GIT2: variants seen among roughly 807,000 people sequenced by gnomAD.
GIT2 encodes ARF GTPase-activating protein GIT2.
A neutral mutation model predicts 100.3 loss-of-function variants in GIT2; 32 were observed. That is an observed-to-expected ratio of 0.32 (90% CI 0.24 to 0.43). The LOEUF is 0.43. GIT2 is among the 20% of genes least tolerant of loss of function. GIT2 has a pLI of 1.00. For synonymous variants in GIT2, 353 were observed against 364.1 expected (o/e 0.97, Z 0.35); for missense variants, 737 against 975.1 (o/e 0.76, Z 3.25).
chr12:109,998,898 A>G (rs2137055729), upstream of GIT2: 1 of 152,376 alleles, frequency 6.6e-6, no homozygotes, highest in Middle Eastern at 3.4e-3. Flanking sequence ...CCCACACAAA[A>G]ACTGCCCAGT....
chr12:109,965,826 G>A (rs1308060288), intron 8 of GIT2: 15 of 624,182 alleles, frequency 2.4e-5, no homozygotes, highest in Admixed American at 1.4e-4. Context: ...CCAACTAAAC[G>A]ACAAAAGCTA....
intron 8 of GIT2, among the ~76,000 whole-genome samples, chr12:109,966,839 G>A (rs1293031579): frequency 1.3e-5 from 2 of 152,192 alleles, no homozygotes; most frequent in Admixed American, 6.5e-5. Context: ...TTATAGACCA[G>A]GGGTCAGAAA....
In GIT2 at chr12:109,947,541, T is replaced by A. The variant is rs201755096; in HGVS notation, c.1393-37A>T. On this transcript the variant is annotated intron_variant, in intron 14 of 19. Transcript: ENST00000355312. The surrounding 1 kb of genome is among the most constrained non-coding windows in gnomAD (Gnocchi z 4.3). The stretch of plus-strand genomic sequence containing the variant: ...GTTTGGCAGTGGGACTGTGTTTTTT[T>A]ACAGCAAGCAGAAAAAGCAAACACC... 7.0e-5 allele frequency: 111 copies of A among 1,593,104 alleles called. No homozygotes were observed. Among genetic ancestry groups the A allele is most frequent in the Non-Finnish European group, 9.4e-5 (110 of 1,167,562 alleles).
At chr12:109,977,460 G>A (rs1169850035) in intron 7 of GIT2, among the ~76,000 whole-genome samples, 6 of 152,032 alleles carry the variant, frequency 3.9e-5, no homozygotes, top group Non-Finnish European at 2.9e-5. Context: ...TCAGTGAGTC[G>A]AGATCACGCC....
chr12:109,960,522 A>G (rs971079256), intron 11 of GIT2, among the ~76,000 whole-genome samples: 1 of 152,166 alleles, frequency 6.6e-6, no homozygotes, highest in Non-Finnish European at 1.5e-5. Flanking sequence ...TGGAGGTTGC[A>G]GTGAGCTGAG....
chr12:109,943,582 C>T (rs1466955887), intron 16 of GIT2, among the ~76,000 whole-genome samples: 1 of 152,192 alleles, frequency 6.6e-6, no homozygotes, highest in Non-Finnish European at 1.5e-5. Context: ...GATCCACCCA[C>T]CTTGGCCTTC....
intron 12 of GIT2, among the ~76,000 whole-genome samples, chr12:109,959,298 C>T (rs1057294271): frequency 3.3e-5 from 5 of 151,988 alleles, no homozygotes; most frequent in Non-Finnish European, 5.9e-5. Flanking sequence ...GAACTCCTGA[C>T]GTTAGGTGAT....
intron 7 of GIT2, among the ~76,000 whole-genome samples, chr12:109,970,245 G>T (rs1883515798): frequency 6.6e-6 from 1 of 152,114 alleles, no homozygotes; most frequent in Non-Finnish European, 1.5e-5. Flanking sequence ...TGTAATCCCA[G>T]CACTTTGGGA....
intron 7 of GIT2, among the ~76,000 whole-genome samples, chr12:109,977,392 T>C (rs2136686030): frequency 6.6e-6 from 1 of 152,122 alleles, no homozygotes; most frequent in South Asian, 2.1e-4. Flanking sequence ...ACACCTGTAG[T>C]CCCAGCTACT....
intron 18 of GIT2, among the ~76,000 whole-genome samples, chr12:109,935,640 C>T (rs1264146568): frequency 6.6e-6 from 1 of 152,268 alleles, no homozygotes; most frequent in African/African-American, 2.4e-5. Context: ...GACTGATCCA[C>T]CCGCCTTGGC....
chr12:109,993,373 T>A (rs370029772), intron 1 of GIT2, among the ~76,000 whole-genome samples: 34 of 152,340 alleles, frequency 2.2e-4, no homozygotes, highest in African/African-American at 7.7e-4. Context: ...TACCATTTTT[T>A]AAGAGTTTAT....
At chr12:109,980,466 CTTTG>C (rs1446106588) in intron 7 of GIT2, among the ~76,000 whole-genome samples, 2 of 152,266 alleles carry the variant, frequency 1.3e-5, no homozygotes, top group Non-Finnish European at 2.9e-5. Context: ...CGATACAAAA[CTTTG>C]TTTAATAAAA....
At chr12:109,952,530 G>A (rs766063250) in intron 13 of GIT2, 1 of 518,996 alleles carries the variant, frequency 1.9e-6, no homozygotes, top group South Asian at 1.4e-5. Context: ...CTGCAGCTTC[G>A]AGTCCCAACC....
intron 9 of GIT2, among the ~76,000 whole-genome samples, chr12:109,964,136 T>G (rs1405569291): frequency 1.3e-5 from 2 of 152,170 alleles, no homozygotes; most frequent in African/African-American, 4.8e-5. Flanking sequence ...ATAATAAAAT[T>G]TACTTACAGA....
In GIT2 at chr12:109,947,621, G is replaced by A. The variant is rs754616905; in HGVS notation, c.1393-117C>T. ...ACAATAAGGACAGTAACAGCTAGCCGGGCTGAAAGTAAAAAGCCAATACAA... is the reference window on the plus strand; with the variant it reads ...ACAATAAGGACAGTAACAGCTAGCCAGGCTGAAAGTAAAAAGCCAATACAA... On this transcript the variant is annotated intron_variant, in intron 14 of 19. Transcript: ENST00000355312. This position sits in a 1 kb window ranked among gnomAD's most constrained non-coding sequence, Gnocchi z 4.3. 40 of 939,102 alleles carry A rather than the reference G, an allele frequency of 4.3e-5. No homozygotes were observed. The African/African-American group carries it at 4.9e-4, about 12-fold the overall frequency. The allele number at this position is 939,102 out of a possible 1,614,324, so 58.2% of individuals were successfully genotyped here.
intron 16 of GIT2, among the ~76,000 whole-genome samples, chr12:109,942,348 G>A (rs1246611988): frequency 6.6e-6 from 1 of 152,020 alleles, no homozygotes; most frequent in Non-Finnish European, 1.5e-5. Context: ...TTTATCTGGA[G>A]ACAGAGTCTT....
rs1027773188 is a variant in GIT2 at position 109,981,061 on chromosome 12, CA to C, written c.624-16del. 6.5e-7 allele frequency: 1 copy of C among 1,545,330 alleles called. No homozygotes were observed. Among genetic ancestry groups the C allele is most frequent in the Admixed American group, 1.7e-5 (1 of 59,928 alleles). ...GCCCTCCTTGCCTACCAAGAGAAAA[CA>C]AAGTACCATTTATATTGCTCACTAT... On this transcript the variant is annotated splice_polypyrimidine_tract_variant and intron_variant, in intron 6 of 19. Coordinates refer to ENST00000355312, the MANE Select transcript of GIT2 (RefSeq NM_057169.5).
chr12:109,946,517 T>C (rs1876388955), intron 15 of GIT2, among the ~76,000 whole-genome samples: 1 of 152,136 alleles, frequency 6.6e-6, no homozygotes. Context: ...CCAGAAGAAA[T>C]ATATTTGAAA....
intron 16 of GIT2, among the ~76,000 whole-genome samples, chr12:109,941,010 C>T (rs568388974): frequency 1.4e-4 from 21 of 152,202 alleles, no homozygotes; most frequent in African/African-American, 4.1e-4. Context: ...GCCGGACCCA[C>T]GTGGAGAAGC....
Sources: allele counts gnomAD v4.1 joint callset (sites outside exome capture counted in the v4.1 genomes callset), GRCh38; gene constraint gnomAD v4.1.1; non-coding constraint Gnocchi (gnomAD v3.1); transcripts MANE v1.5; gene names NCBI Gene and HGNC (gene_info 2026-07-23, HGNC 2026-07-21).